Variants in PIAS2 observed in about 807,000 individuals in gnomAD.
PIAS2 encodes E3 SUMO-protein ligase PIAS2.
A neutral mutation model predicts 69.7 loss-of-function variants in PIAS2; 19 were observed. The observed-to-expected ratio is 0.27, with a 90% CI of 0.19 to 0.40. The LOEUF (loss-of-function observed/expected upper bound fraction) is 0.40. Ranked by LOEUF, PIAS2 falls within the 10% of genes least tolerant of loss-of-function variation. The probability of loss-of-function intolerance (pLI) is 1.00; values close to 1 mark genes in which losing one functional copy is unlikely to be tolerated. For missense variants in PIAS2, 624 were observed against 757.0 expected, an observed-to-expected ratio of 0.82 and a Z score of 2.06; for synonymous variants, 261 against 263.2, an observed-to-expected ratio of 0.99 and a Z score of 0.08.
intron 2 of PIAS2, among the ~76,000 whole-genome samples, chr18:46,877,111 AT>A (rs1369081334): frequency 1.3e-5 from 2 of 152,124 alleles, no homozygotes; most frequent in Non-Finnish European, 2.9e-5. Context: ...AGGATGTTAT[AT>A]CATACCCTGT....
At chr18:46,836,602 A>AT in intron 8 of PIAS2, 85 bp from the exon 9 acceptor site, 1 of 863,416 alleles carries the variant, frequency 1.2e-6, no homozygotes, top group African/African-American at 1.7e-5. Context: ...AAGTCGGAAG[A>AT]TGTCATACAA....
rs761385649 is a variant in PIAS2 at position 46,855,626 on chromosome 18, G to A, written c.585-11C>T. ...CCTGGCAAAAAATCCCTGTTGGAAA[G>A]AGAAAGAAAATGGGTTAAAAAAGTA... On this transcript the variant is annotated splice_polypyrimidine_tract_variant and intron_variant, in intron 3 of 13. Coordinates refer to ENST00000585916, the MANE Select transcript of PIAS2 (RefSeq NM_004671.5). The A allele has an allele frequency of 6.2e-7, 1 of 1,608,308 alleles. No individual in the cohort carries two copies. Among genetic ancestry groups the A allele is most frequent in the East Asian group, 2.2e-5 (1 of 44,792 alleles).
intron 2 of PIAS2, among the ~76,000 whole-genome samples, chr18:46,869,554 C>A (rs1197828124): frequency 1.3e-5 from 2 of 152,202 alleles, no homozygotes; most frequent in Non-Finnish European, 1.5e-5. Context: ...TTGAGCCTCA[C>A]ATCAAACCTC....
chr18:46,902,473 T>C lies in PIAS2; in HGVS notation c.25-11419A>G, dbSNP rs148498708. On this transcript the variant is annotated intron_variant, in intron 1 of 13. Coordinates refer to ENST00000585916, the MANE Select transcript of PIAS2 (RefSeq NM_004671.5). Reference sequence around the variant, plus strand: ...TACTCGGGAGGTTGAGGTAGGAGAATTGCTTGAACCCGGGAGGCACAGGTT... The same window carrying C: ...TACTCGGGAGGTTGAGGTAGGAGAACTGCTTGAACCCGGGAGGCACAGGTT... 2.1e-3 allele frequency among the ~76,000 whole-genome samples: 315 copies of C among 152,074 alleles called. 1 individual carries two copies. Among genetic ancestry groups the C allele is most frequent in the African/African-American group, 7.1e-3 (293 of 41,478 alleles).
At position 46,912,981 on chromosome 18, in the gene PIAS2, A is replaced by C. The variant is rs188592036; in HGVS notation, c.24+4341T>G. The stretch of plus-strand genomic sequence containing the variant: ...ATTACAGCCTTGAGCCACTGCGCCC[A>C]GCCTATTTCACTTTAAGTTAAATAT... On this transcript the variant is annotated intron_variant, in intron 1 of 13. Transcript: ENST00000585916. Among the ~76,000 whole-genome samples the C allele has an allele frequency of 2.4e-4, 37 of 152,326 alleles. No homozygotes were observed. The East Asian group carries it at 6.9e-3, about 29-fold the overall frequency.
chr18:46,855,612 A>G lies in PIAS2; in HGVS notation c.588T>C (p.Asp196=). 3 of 1,612,758 alleles carry G rather than the reference A, an allele frequency of 1.9e-6. No individual in the cohort carries two copies. Among genetic ancestry groups the G allele is most frequent in the Non-Finnish European group, 2.5e-6 (3 of 1,178,880 alleles). Residue 196 remains aspartate, a synonymous_variant, in exon 4 of 14, where the codon GAT becomes GAC. Transcript: ENST00000585916. ...AATCTCTCCTACCACCTGGCAAAAAATCCCTGTTGGAAAGAGAAAGAAAAT... is the reference window on the plus strand; with the variant it reads ...AATCTCTCCTACCACCTGGCAAAAAGTCCCTGTTGGAAAGAGAAAGAAAAT... The part of the protein sequence containing the change: ...QQVREICISR[D]FLPGGRRDYT...
intron 1 of PIAS2, among the ~76,000 whole-genome samples, chr18:46,893,114 A>C (rs557114371): frequency 5.1e-4 from 77 of 152,096 alleles, no homozygotes; most frequent in Non-Finnish European, 1.0e-3. Context: ...AAACAAGAAA[A>C]CTTTTGGCCT....
At position 46,829,689 on chromosome 18, in the gene PIAS2, G is replaced by A. The variant is rs115351599; in HGVS notation, c.1336+45C>T. The A allele has an allele frequency of 1.2e-3, 1,814 of 1,558,412 alleles. 19 individuals carry two copies. In the African/African-American group the frequency reaches 0.021, roughly 18 times the overall value. ...AGGGGCCAAGATTAATGATAATGTT[G>A]CACGAGTCTCACTGCTTTACTCTCT... is the stretch of plus-strand genomic sequence containing the variant. On this transcript the variant is annotated intron_variant, in intron 10 of 13. Coordinates refer to ENST00000585916, the MANE Select transcript of PIAS2 (RefSeq NM_004671.5).
At chr18:46,865,684 T>A (rs2049338093) in intron 2 of PIAS2, among the ~76,000 whole-genome samples, 1 of 152,192 alleles carries the variant, frequency 6.6e-6, no homozygotes, top group Non-Finnish European at 1.5e-5. Flanking sequence ...GCTAAAATAT[T>A]CTTTTCTATA....
intron 5 of PIAS2, chr18:46,852,868 G>T (rs1483625278): frequency 6.6e-6 from 1 of 152,318 alleles, no homozygotes; most frequent in Non-Finnish European, 1.5e-5. Flanking sequence ...ACAGTCACAC[G>T]ATGATACAGG....
intron 8 of PIAS2, among the ~76,000 whole-genome samples, chr18:46,841,736 T>C (rs1395059634): frequency 2.0e-5 from 3 of 152,234 alleles, no homozygotes; most frequent in Non-Finnish European, 4.4e-5. Context: ...CGAATAGACC[T>C]GTTGTCACTT....
intron 11 of PIAS2, 77 bp downstream of exon 11, chr18:46,827,882 A>G: frequency 7.9e-7 from 1 of 1,265,096 alleles, no homozygotes; most frequent in Non-Finnish European, 1.1e-6. Context: ...CCATTTCCCA[A>G]AGAGACATTT....
At chr18:46,841,688 T>C (rs115357197) in intron 8 of PIAS2, among the ~76,000 whole-genome samples, 3,152 of 152,260 alleles carry the variant, frequency 0.021, 88 homozygotes, top group African/African-American at 0.07. Flanking sequence ...TCTGAAAAGA[T>C]TGATGAACCC....
intron 1 of PIAS2, among the ~76,000 whole-genome samples, chr18:46,910,909 G>C (rs1283554145): frequency 6.6e-6 from 1 of 152,106 alleles, no homozygotes; most frequent in Non-Finnish European, 1.5e-5. Flanking sequence ...TTTATCACCA[G>C]CATATCCTTC....
At chr18:46,877,917 T>C (rs941876506) in intron 2 of PIAS2, among the ~76,000 whole-genome samples, 2 of 152,224 alleles carry the variant, frequency 1.3e-5, no homozygotes, top group African/African-American at 4.8e-5. Context: ...TTTGGAAGAC[T>C]ATATTATACA....
intron 3 of PIAS2, among the ~76,000 whole-genome samples, chr18:46,858,764 T>A (rs2145506876): frequency 6.6e-6 from 1 of 152,244 alleles, no homozygotes; most frequent in South Asian, 2.1e-4. Flanking sequence ...TGAGTGATAT[T>A]CACACATAAA....
intron 1 of PIAS2, among the ~76,000 whole-genome samples, chr18:46,897,737 T>C (rs1261564784): frequency 6.6e-6 from 1 of 152,236 alleles, no homozygotes; most frequent in Non-Finnish European, 1.5e-5. Flanking sequence ...TGATAACTGG[T>C]ATCTGTCAGA....
rs552212523 is a variant in PIAS2 at position 46,839,738 on chromosome 18, A to G, written c.1042-3221T>C. On this transcript the variant is annotated intron_variant, in intron 8 of 13. Transcript: ENST00000585916. ...AAATTAGCTGGGTGTGGTGGTGGGCACCTGTAATCCCAGCTACTCGGGAGA... is the reference window on the plus strand; with the variant it reads ...AAATTAGCTGGGTGTGGTGGTGGGCGCCTGTAATCCCAGCTACTCGGGAGA... Among the ~76,000 whole-genome samples, 80 of 151,850 alleles carry G rather than the reference A, an allele frequency of 5.3e-4. 2 individuals are homozygous for G. In the South Asian group the frequency reaches 0.016, roughly 30 times the overall value.
chr18:46,912,129 C>A (rs114702228), intron 1 of PIAS2, among the ~76,000 whole-genome samples: 1 of 151,730 alleles, frequency 6.6e-6, no homozygotes, highest in South Asian at 2.1e-4. Flanking sequence ...CTTTTAAATC[C>A]CAAAAGGAAA....
Sources: allele counts gnomAD v4.1 joint callset (sites outside exome capture counted in the v4.1 genomes callset), GRCh38; gene constraint gnomAD v4.1.1; transcripts MANE v1.5; gene names NCBI Gene and HGNC (gene_info 2026-07-23, HGNC 2026-07-21).